The following RELB variants were observed in gnomAD, a reference collection of about 807,000 sequenced individuals.
RELB encodes the protein RELB proto-oncogene, NF-kB subunit.
In RELB, 14 loss-of-function variants were observed where a neutral mutation model predicts 55.4. The observed-to-expected ratio is 0.25, with a 90% CI of 0.17 to 0.40. The LOEUF (loss-of-function observed/expected upper bound fraction) is 0.40. RELB is among the 10% of genes least tolerant of loss of function. RELB has a pLI of 1.00. For synonymous variants in RELB, 409 were observed against 371.3 expected, an observed-to-expected ratio of 1.10 and a Z score of -1.17; for missense variants, 669 against 830.7, an observed-to-expected ratio of 0.81 and a Z score of 2.39.
At chr19:45,035,052 G>C (rs1429307699) in intron 11 of RELB, among the ~76,000 whole-genome samples, 1 of 151,578 alleles carries the variant, frequency 6.6e-6, no homozygotes. Flanking sequence ...ACATTGGCCA[G>C]GCTGGTCCTG....
intron 9 of RELB, among the ~76,000 whole-genome samples, chr19:45,033,563 T>G (rs1220190734): frequency 1.3e-5 from 2 of 151,512 alleles, no homozygotes; most frequent in Non-Finnish European, 2.9e-5. Flanking sequence ...TGGGCGCCTA[T>G]AGTCCCAGCT....
chr19:45,031,661 C>A (rs1051001336), intron 8 of RELB, among the ~76,000 whole-genome samples: 1 of 151,620 alleles, frequency 6.6e-6, no homozygotes, highest in Non-Finnish European at 1.5e-5. Context: ...CTGCAAGCTC[C>A]GCCTCCCGGG....
intron 8 of RELB, 106 bp downstream of exon 8, chr19:45,029,098 AG>A: frequency 1.3e-6 from 1 of 753,882 alleles, no homozygotes; most frequent in Admixed American, 2.2e-5. Context: ...CTGGTTAACC[AG>A]GGCACCAGAG....
chr19:45,037,775 G>A lies in RELB; in HGVS notation c.1725G>A (p.Gly575=), dbSNP rs576220520. ...TTGGGGGCGGCCTCCTATCCCCGGGGCCTGAAGCCACGTAGCCCCGCGATG... is the reference window on the plus strand; with the variant it reads ...TTGGGGGCGGCCTCCTATCCCCGGGACCTGAAGCCACGTAGCCCCGCGATG... ...AAFGGGLLSP[G]PEAT is the part of the protein sequence containing the mutation. Residue 575 remains glycine, a synonymous_variant, in exon 12 of 12, where the codon GGG becomes GGA. Coordinates refer to ENST00000221452, the MANE Select transcript of RELB (RefSeq NM_006509.4). 26 of 1,486,550 alleles carry A rather than the reference G, an allele frequency of 1.7e-5. No individual in the cohort carries two copies. Among genetic ancestry groups the A allele is most frequent in the Middle Eastern group, 2.2e-4 (1 of 4,492 alleles). 92.1% of individuals were successfully genotyped at this position (1,486,550 alleles called of 1,614,324 possible). A position where few individuals can be genotyped will look rare whatever the true frequency, so the allele number is the denominator to read the frequency against.
intron 2 of RELB, among the ~76,000 whole-genome samples, chr19:45,006,380 C>T (rs1267651634): frequency 1.3e-5 from 2 of 151,868 alleles, no homozygotes; most frequent in African/African-American, 4.8e-5. Context: ...GATTTTTGTA[C>T]TTTTAGAGAA....
chr19:45,021,076 G>A (rs1038103462), intron 4 of RELB, among the ~76,000 whole-genome samples: 4 of 152,144 alleles, frequency 2.6e-5, no homozygotes, highest in South Asian at 2.1e-4. Flanking sequence ...TCAGGAGGCT[G>A]CGGCAGGAGA....
chr19:45,028,282 A>G (rs1163840745), intron 7 of RELB, among the ~76,000 whole-genome samples: 1 of 151,950 alleles, frequency 6.6e-6, no homozygotes, highest in Non-Finnish European at 1.5e-5. Context: ...TGGGCCCCCA[A>G]AAGTGCTGGG....
At position 45,025,399 on chromosome 19, in the gene RELB, C is replaced by G; in HGVS notation, c.733C>G (p.Leu245Val). The G allele has an allele frequency of 6.2e-7, 1 of 1,612,370 alleles. No homozygotes were observed. The highest frequency in any genetic ancestry group is 8.5e-7 in the Non-Finnish European group (1 of 1,179,270). ...IEAAIERKIQ[L>V]GIDPYNAGSL... ...GGCTGCCATTGAGCGGAAGATTCAACTGGGCATTGACCCCTACAACGGTGA... is the reference window on the plus strand; with the variant it reads ...GGCTGCCATTGAGCGGAAGATTCAAGTGGGCATTGACCCCTACAACGGTGA... The change falls in exon 6 of 12, where the codon CTG becomes GTG. Residue 245 changes from leucine to valine, a missense_variant. Leu to Val is a conservative substitution (Grantham distance 32, BLOSUM62 1). Coordinates refer to ENST00000221452, the MANE Select transcript of RELB (RefSeq NM_006509.4).
intron 8 of RELB, among the ~76,000 whole-genome samples, chr19:45,029,259 CACG>C (rs1407852634): frequency 6.6e-6 from 1 of 152,194 alleles, no homozygotes; most frequent in Non-Finnish European, 1.5e-5. Flanking sequence ...TCACAGAGCT[CACG>C]ACATGTCCAG....
intron 4 of RELB, among the ~76,000 whole-genome samples, chr19:45,018,948 C>T (rs1455922984): frequency 1.3e-5 from 2 of 152,226 alleles, no homozygotes; most frequent in African/African-American, 4.8e-5. Flanking sequence ...TGAGCCACCG[C>T]GCTCGGCTGA....
chr19:45,032,656 G>A lies in RELB; in HGVS notation c.1114G>A (p.Val372Ile), dbSNP rs749105163. The change falls in exon 9 of 12, where the codon GTC becomes ATC. Residue 372 changes from valine to isoleucine, a missense_variant. Around this residue, in one of 3 missense-constraint regions of RELB, gnomAD observed 341 missense variants for 436.8 expected, o/e 0.78. Coordinates refer to ENST00000221452, the MANE Select transcript of RELB (RefSeq NM_006509.4). ...KTPPYEDLEI[V>I]EPVTVNVFLQ... is the part of the protein sequence containing the mutation. Reference sequence around the variant, plus strand: ...GCCGCCCTACGAGGACCTGGAGATTGTCGAGCCCGTGACAGTCAACGTCTT... The same window carrying A: ...GCCGCCCTACGAGGACCTGGAGATTATCGAGCCCGTGACAGTCAACGTCTT... 6 of 1,612,228 alleles carry A rather than the reference G, an allele frequency of 3.7e-6. No homozygotes were observed. The African/African-American group carries it at 5.3e-5, about 14-fold the overall frequency.
chr19:45,033,812 G>A (rs1205983306), intron 9 of RELB, among the ~76,000 whole-genome samples: 1 of 151,190 alleles, frequency 6.6e-6, no homozygotes, highest in Non-Finnish European at 1.5e-5. Flanking sequence ...CAAAGTGCTG[G>A]GATTGCAGGA....
rs751576591 is a variant in RELB, at chr19:45,034,522, G to A, written c.1348G>A (p.Gly450Ser). ...AILDHFLPNH[G>S]SGPFLPPSAL... The stretch of plus-strand genomic sequence containing the variant: ...CCTGGACCACTTCCTGCCCAACCAC[G>A]GCTCAGGTGGGTCCCAGCTACACAT... Residue 450 changes from glycine (G) to serine (S), a missense_variant, in exon 11 of 12, where the codon GGC (glycine) becomes AGC (serine). By Grantham distance (56) the Gly-to-Ser change is moderately conservative (BLOSUM62 0). Coordinates refer to ENST00000221452, the MANE Select transcript of RELB (RefSeq NM_006509.4). The A allele has an allele frequency of 1.1e-5, 17 of 1,599,138 alleles. No homozygotes were observed. The highest frequency in any genetic ancestry group is 1.0e-4 in the Admixed American group (6 of 57,470).
At chr19:45,010,307 C>T (rs992888160) in intron 3 of RELB, among the ~76,000 whole-genome samples, 9 of 67,240 alleles carry the variant, frequency 1.3e-4, no homozygotes, top group African/African-American at 4.0e-4. Context: ...AGAGCAAGAC[C>T]GTGTCTCAAA....
In RELB at chr19:45,037,905, T is replaced by C; in HGVS notation, c.*115T>C. The C allele has an allele frequency of 1.8e-6, 2 of 1,094,160 alleles. No individual in the cohort carries two copies. Among genetic ancestry groups the C allele is most frequent in the Non-Finnish European group, 2.5e-6 (2 of 811,612 alleles). 67.8% of individuals were successfully genotyped at this position (1,094,160 alleles called of 1,614,324 possible). On this transcript the variant is annotated 3_prime_UTR_variant, in exon 12 of 12. Coordinates refer to ENST00000221452, the MANE Select transcript of RELB (RefSeq NM_006509.4). ...TTGGCCCTTCCTCATGCTTCTGAAG[T>C]GGACATATTCAGCCTTGGCGAGAAG...
In RELB at chr19:45,037,564, T is replaced by C; in HGVS notation, c.1514T>C (p.Leu505Pro). The change falls in exon 12 of 12, where the codon CTG (leucine) becomes CCG (proline). Residue 505 changes from leucine (L) to proline (P), a missense_variant. This residue lies in a region of RELB where 341 missense variants were observed against 436.8 expected (regional missense o/e 0.78). Transcript: ENST00000221452. ...APTLFTMLDL[L>P]PPAPPHASAV... ...ACACTCTTCACCATGCTGGACCTGCTGCCCCCGGCACCGCCACACGCTAGC... is the reference window on the plus strand; with the variant it reads ...ACACTCTTCACCATGCTGGACCTGCCGCCCCCGGCACCGCCACACGCTAGC... The C allele has an allele frequency of 6.2e-7, 1 of 1,612,932 alleles. No individual in the cohort carries two copies.
intron 11 of RELB, among the ~76,000 whole-genome samples, chr19:45,036,007 C>T (rs36113784): frequency 2.6e-5 from 4 of 152,202 alleles, no homozygotes; most frequent in African/African-American, 7.2e-5. Context: ...CACATGATCA[C>T]ATCAGGCTGC....
rs961604848 is a variant in RELB at position 45,001,467 on chromosome 19, G to C, written c.-113G>C. On this transcript the variant is annotated 5_prime_UTR_variant, in exon 1 of 12. Transcript: ENST00000221452. ...CCGGCCCGGCCCCGCGCCCCGCGCA[G>C]CCCCGGGCGCCGCGCGTCCTGCCCG... 44 of 236,494 alleles carry C rather than the reference G, an allele frequency of 1.9e-4. No individual in the cohort carries two copies. Among genetic ancestry groups the C allele is most frequent in the Non-Finnish European group, 9.1e-5 (13 of 143,148 alleles). 14.6% of individuals were successfully genotyped at this position (236,494 alleles called of 1,614,324 possible). A position where few individuals can be genotyped will look rare whatever the true frequency, so the allele number is the denominator to read the frequency against.
intron 5 of RELB, among the ~76,000 whole-genome samples, chr19:45,024,631 C>T (rs1971535625): frequency 6.6e-6 from 1 of 152,104 alleles, no homozygotes; most frequent in South Asian, 2.1e-4. Flanking sequence ...CTCTCTGCAA[C>T]CTCTACCTCC....
Sources: allele counts gnomAD v4.1 joint callset (sites outside exome capture counted in the v4.1 genomes callset), GRCh38; gene constraint gnomAD v4.1.1; regional missense constraint gnomAD v4.1.1; transcripts MANE v1.5; gene names NCBI Gene and HGNC (gene_info 2026-07-23, HGNC 2026-07-21).